The following CNBD1 variants were observed in gnomAD, a reference collection of about 807,000 sequenced individuals.
CNBD1 encodes cyclic nucleotide binding domain containing 1.
Under a neutral mutation model 54.4 loss-of-function variants are expected in CNBD1, and 71 were observed. The observed-to-expected ratio is 1.30, with a 90% confidence interval of 1.08 to 1.59. The LOEUF (loss-of-function observed/expected upper bound fraction) is 1.59, where lower values mean the gene tolerates loss of function less well. CNBD1 is among the 40% of genes most tolerant of loss of function. The pLI, the probability that CNBD1 is intolerant of heterozygous loss-of-function variation, is 0.00. For synonymous variants in CNBD1, 182 were observed against 170.7 expected, an observed-to-expected ratio of 1.07 and a Z score of -0.51; for missense variants, 659 against 518.0, an observed-to-expected ratio of 1.27 and a Z score of -2.64.
chr8:87,025,861 A>C (rs561023031), intron 4 of CNBD1, among the ~76,000 whole-genome samples: 1 of 152,196 alleles, frequency 6.6e-6, no homozygotes, highest in East Asian at 1.9e-4. Context: ...GAAGTCAGCG[A>C]GACCAAGAAC....
At chr8:87,227,729 T>A (rs1484058616) in intron 5 of CNBD1, among the ~76,000 whole-genome samples, 6 of 149,128 alleles carry the variant, frequency 4.0e-5, no homozygotes, top group Non-Finnish European at 7.4e-5. Context: ...TTGGAGTTGC[T>A]CTTCTCGAGG....
chr8:87,324,764 C>A (rs1380109946), intron 8 of CNBD1, among the ~76,000 whole-genome samples: 1 of 146,994 alleles, frequency 6.8e-6, no homozygotes, highest in Admixed American at 6.8e-5. Context: ...CTCCTGGATT[C>A]ATTGATTTTT....
chr8:87,001,504 A>G (rs1049927668), intron 4 of CNBD1, among the ~76,000 whole-genome samples: 5 of 152,140 alleles, frequency 3.3e-5, no homozygotes, highest in Non-Finnish European at 7.4e-5. Flanking sequence ...AATGGAGCCT[A>G]TGTGACTTTT....
intron 4 of CNBD1, among the ~76,000 whole-genome samples, chr8:87,191,315 G>T (rs1163115109): frequency 3.9e-5 from 6 of 152,258 alleles, no homozygotes; most frequent in African/African-American, 1.4e-4. Flanking sequence ...AGGGGAATCA[G>T]CAAGCAAAAT....
intron 4 of CNBD1, among the ~76,000 whole-genome samples, chr8:86,940,530 G>T (rs1196388216): frequency 6.6e-6 from 1 of 152,264 alleles, no homozygotes; most frequent in South Asian, 2.1e-4. Flanking sequence ...TGAAGAAGGA[G>T]GGGTGTGGAG....
Position 87,156,435 on chromosome 8 carries a change from G to A in CNBD1, c.432-49558G>A, listed in dbSNP as rs369875583. 2.3e-4 allele frequency among the ~76,000 whole-genome samples: 34 copies of A among 150,322 alleles called. 1 individual carries two copies. In the East Asian group the frequency reaches 2.5e-3, roughly 11 times the overall value. On this transcript the variant is annotated intron_variant, in intron 4 of 10. Transcript: ENST00000518476. Reference sequence around the variant, plus strand: ...ACATTTTTTTATTTTTAATAGAAGCGGATTTTGTCATGTTGGCCAGGCTGG... The same window carrying A: ...ACATTTTTTTATTTTTAATAGAAGCAGATTTTGTCATGTTGGCCAGGCTGG...
chr8:87,270,238 A>G (rs894787306), intron 6 of CNBD1, among the ~76,000 whole-genome samples: 16 of 151,942 alleles, frequency 1.1e-4, no homozygotes, highest in Non-Finnish European at 2.2e-4. Context: ...TTCAAGAAGC[A>G]TTTATGAGGA....
At chr8:87,279,435 C>T (rs141485792) in intron 6 of CNBD1, among the ~76,000 whole-genome samples, 429 of 151,366 alleles carry the variant, frequency 2.8e-3, no homozygotes, top group African/African-American at 9.6e-3. Context: ...AGACTAAATA[C>T]TTTCATTAAA....
rs376575918 is a variant in CNBD1 at position 87,401,505 on chromosome 8, T to C, written c.214-27041T>C. Among the ~76,000 whole-genome samples, 5 of 152,212 alleles carry C rather than the reference T, an allele frequency of 3.3e-5. No homozygotes were observed. The East Asian group carries it at 9.7e-4, about 30-fold the overall frequency. On this transcript the variant is annotated intron_variant, in intron 2 of 7. Coordinates refer to the CNBD1 transcript ENST00000521593. ...CTGTGCCTTTGGATCCAATAGGATA[T>C]GTGTTCTGTGCTAATGAACATTATG... is the stretch of plus-strand genomic sequence containing the variant.
intron 1 of CNBD1, among the ~76,000 whole-genome samples, chr8:86,868,989 C>T (rs757623412): frequency 1.4e-4 from 22 of 151,982 alleles, no homozygotes; most frequent in Non-Finnish European, 2.4e-4. Flanking sequence ...CTGGCCCTTG[C>T]TGGCTTTGAA....
chr8:86,881,953 T>G (rs1808611816), intron 1 of CNBD1, among the ~76,000 whole-genome samples: 1 of 151,928 alleles, frequency 6.6e-6, no homozygotes, highest in Admixed American at 6.6e-5. Context: ...TAGGGAAAAC[T>G]GGGTACTGGG....
chr8:87,328,195 G>A (rs907121823), intron 8 of CNBD1, among the ~76,000 whole-genome samples: 14 of 151,774 alleles, frequency 9.2e-5, no homozygotes, highest in Admixed American at 3.9e-4. Flanking sequence ...TCCATTGTTC[G>A]ATATCCAGTT....
chr8:87,349,523 G>A (rs540291263), intron 8 of CNBD1, among the ~76,000 whole-genome samples: 7 of 152,110 alleles, frequency 4.6e-5, no homozygotes, highest in Admixed American at 2.0e-4. Context: ...TTACAGGTGC[G>A]CGCCACCAGG....
At chr8:86,883,621 A>G (rs1808635596) in intron 1 of CNBD1, among the ~76,000 whole-genome samples, 1 of 152,206 alleles carries the variant, frequency 6.6e-6, no homozygotes, top group Non-Finnish European at 1.5e-5. Flanking sequence ...AAGAAACTTC[A>G]GTATCAAACA....
At chr8:87,125,565 A>G (rs1318165818) in intron 4 of CNBD1, among the ~76,000 whole-genome samples, 1 of 152,020 alleles carries the variant, frequency 6.6e-6, no homozygotes, top group Middle Eastern at 3.4e-3. Context: ...CAAATTCACT[A>G]CAAAAATGTT....
intron 1 of CNBD1, among the ~76,000 whole-genome samples, chr8:86,877,769 G>C (rs1300922591): frequency 6.6e-6 from 1 of 151,818 alleles, no homozygotes; most frequent in Admixed American, 6.6e-5. Flanking sequence ...TTATATCTTT[G>C]AGCATTTTTT....
intron 4 of CNBD1, among the ~76,000 whole-genome samples, chr8:86,940,132 C>CT (rs10671983): frequency 2.1e-4 from 19 of 88,732 alleles, no homozygotes; most frequent in Admixed American, 9.5e-4. Flanking sequence ...CCACATGTTA[C>CT]TTTTTTTTTT....
intron 2 of CNBD1, among the ~76,000 whole-genome samples, chr8:86,899,796 T>G (rs991040205): frequency 1.3e-5 from 2 of 152,142 alleles, no homozygotes; most frequent in African/African-American, 2.4e-5. Context: ...AGAATTTATA[T>G]CTATCTCTTC....
intron 8 of CNBD1, among the ~76,000 whole-genome samples, chr8:87,307,083 A>C (rs1809167622): frequency 6.6e-6 from 1 of 152,178 alleles, no homozygotes; most frequent in Non-Finnish European, 1.5e-5. Flanking sequence ...ATCTACATCT[A>C]AATAGAAGAT....
Sources: gnomAD v4.1 joint callset for allele counts (sites outside exome capture counted in the v4.1 genomes callset) on GRCh38, gnomAD v4.1.1 for gene constraint, MANE v1.5 for transcripts, NCBI Gene and HGNC (gene_info 2026-07-23, HGNC 2026-07-21) for gene names.